The following RALGAPA2 variants were observed in gnomAD, a reference collection of about 807,000 sequenced individuals.
The protein encoded by RALGAPA2 is Ral GTPase activating protein catalytic subunit alpha 2.
In RALGAPA2, 139 loss-of-function variants were observed where a neutral mutation model predicts 230.4. The ratio of observed to expected loss-of-function variants is 0.60; its 90% confidence interval spans 0.53 to 0.69. The LOEUF is 0.69. RALGAPA2 is among the 30% of genes least tolerant of loss of function. The pLI, the probability that RALGAPA2 is intolerant of heterozygous loss-of-function variation, is 0.00. For synonymous variants in RALGAPA2, 847 were observed against 837.8 expected (o/e 1.01, Z -0.19); for missense variants, 2,163 against 2,276.0 (o/e 0.95, Z 1.01).
chr20:20,692,246 T>C (rs982375044), intron 1 of RALGAPA2, among the ~76,000 whole-genome samples: 1 of 152,252 alleles, frequency 6.6e-6, no homozygotes, highest in African/African-American at 2.4e-5. Flanking sequence ...GTTTCTTACA[T>C]ACAATTACAG....
chr20:20,519,401 T>C (rs970163724), intron 31 of RALGAPA2, among the ~76,000 whole-genome samples: 5 of 152,176 alleles, frequency 3.3e-5, no homozygotes, highest in African/African-American at 1.2e-4. Context: ...CCCTGGACCT[T>C]TGTCCTCCCT....
intron 37 of RALGAPA2, among the ~76,000 whole-genome samples, chr20:20,455,008 C>T (rs1375642213): frequency 6.6e-6 from 1 of 152,210 alleles, no homozygotes; most frequent in Non-Finnish European, 1.5e-5. Flanking sequence ...CTGTAATTCA[C>T]ACATGCATAC....
chr20:20,693,543 G>A (rs1280643753), intron 1 of RALGAPA2, among the ~76,000 whole-genome samples: 2 of 152,124 alleles, frequency 1.3e-5, no homozygotes, highest in East Asian at 3.8e-4. Context: ...TACAGCCTAG[G>A]AGCTGTAGTC....
chr20:20,541,057 AT>A (rs56090872), intron 24 of RALGAPA2, among the ~76,000 whole-genome samples: 60 of 140,782 alleles, frequency 4.3e-4, no homozygotes, highest in South Asian at 4.5e-4. Flanking sequence ...AGTCAGGAGA[AT>A]TTTTTTTTTT....
rs780781518 is a variant in RALGAPA2, at chr20:20,583,257, T to C, written c.2531-31A>G. 5 of 1,559,680 alleles carry C rather than the reference T, an allele frequency of 3.2e-6. No homozygotes were observed. The East Asian group carries it at 9.1e-5, about 28-fold the overall frequency. ...ACAATGGAAGAACCAAAGTTTAAGA[T>C]AAAAAATAGCTGAAAATCAGAATGT... On this transcript the variant is annotated intron_variant, in intron 19 of 39. Transcript: ENST00000202677.
chr20:20,527,250 A>T (rs2063232493), intron 27 of RALGAPA2, among the ~76,000 whole-genome samples: 1 of 152,180 alleles, frequency 6.6e-6, no homozygotes, highest in South Asian at 2.1e-4. Flanking sequence ...TGTACAGAAT[A>T]AGGAAGAAGA....
At chr20:20,688,284 C>G (rs1301055086) in intron 1 of RALGAPA2, among the ~76,000 whole-genome samples, 1 of 150,784 alleles carries the variant, frequency 6.6e-6, no homozygotes, top group Non-Finnish European at 1.5e-5. Flanking sequence ...CCAGCCTGGG[C>G]AACAAGAGCA....
intron 20 of RALGAPA2, 33 bp from the exon 21 acceptor site, chr20:20,573,101 A>C: frequency 1.3e-6 from 2 of 1,516,440 alleles, no homozygotes; most frequent in Non-Finnish European, 1.8e-6. Context: ...TAACCCTGTA[A>C]ACAATCTTGA....
intron 10 of RALGAPA2, among the ~76,000 whole-genome samples, chr20:20,625,081 A>G (rs754184677): frequency 2.2e-4 from 34 of 151,686 alleles, no homozygotes; most frequent in Non-Finnish European, 4.4e-4. Flanking sequence ...CTGTCTGCCT[A>G]TTGGTCTATA....
intron 19 of RALGAPA2, among the ~76,000 whole-genome samples, chr20:20,584,085 G>A (rs957097774): frequency 5.3e-5 from 8 of 152,310 alleles, no homozygotes; most frequent in Admixed American, 6.5e-5. Flanking sequence ...GGTGAAGGTA[G>A]AACTCCTCTG....
Position 20,520,901 on chromosome 20 carries a change from C to A in RALGAPA2, c.4084+16G>T. ...TTTTCCTTCCCACAAGATTTCATAC[C>A]TGAAAGAATACTCACCCTCTTCAAC... is the stretch of plus-strand genomic sequence containing the variant. On this transcript the variant is annotated intron_variant, in intron 31 of 39. Coordinates refer to ENST00000202677, the MANE Select transcript of RALGAPA2 (RefSeq NM_020343.4). 1 of 1,546,660 alleles carries A rather than the reference C, an allele frequency of 6.5e-7. No homozygotes were observed. The highest frequency in any genetic ancestry group is 8.8e-7 in the Non-Finnish European group (1 of 1,133,896).
At chr20:20,442,842 G>A (rs1207408166) in intron 37 of RALGAPA2, among the ~76,000 whole-genome samples, 2 of 152,236 alleles carry the variant, frequency 1.3e-5, no homozygotes, top group African/African-American at 4.8e-5. Context: ...AAAATTGTGT[G>A]ATGCCCACTT....
intron 13 of RALGAPA2, among the ~76,000 whole-genome samples, chr20:20,614,641 T>C (rs2066077966): frequency 3.3e-5 from 5 of 152,246 alleles, no homozygotes; most frequent in Admixed American, 3.3e-4. Flanking sequence ...AGTATCATTT[T>C]GATGCCTGTG....
intron 31 of RALGAPA2, among the ~76,000 whole-genome samples, chr20:20,518,678 T>C (rs376395430): frequency 5.6e-4 from 85 of 152,262 alleles, no homozygotes; most frequent in African/African-American, 2.0e-3. Context: ...GAAAGAAAAA[T>C]GGTGCCAGAA....
intron 14 of RALGAPA2, among the ~76,000 whole-genome samples, chr20:20,610,458 C>A (rs934610801): frequency 2.0e-5 from 3 of 152,210 alleles, no homozygotes; most frequent in Admixed American, 6.5e-5. Context: ...ACAGGCATCT[C>A]TTTGGCTCTC....
chr20:20,678,624 T>C (rs1364024617), intron 2 of RALGAPA2, among the ~76,000 whole-genome samples: 4 of 152,052 alleles, frequency 2.6e-5, no homozygotes, highest in African/African-American at 9.7e-5. Context: ...CCTGCACCAT[T>C]AGTTATCTCC....
At chr20:20,524,364 T>C (rs767514928) in intron 30 of RALGAPA2, 42 bp downstream of exon 30, 2 of 1,611,188 alleles carry the variant, frequency 1.2e-6, no homozygotes, top group Non-Finnish European at 8.5e-7. Context: ...CTCTGTCATA[T>C]AAACCCACAC....
intron 24 of RALGAPA2, among the ~76,000 whole-genome samples, chr20:20,539,806 C>A (rs1364151751): frequency 6.6e-6 from 1 of 152,208 alleles, no homozygotes; most frequent in Non-Finnish European, 1.5e-5. Flanking sequence ...CACCATTCTA[C>A]AATCTGCTTC....
chr20:20,619,069 A>AC (rs2066243347), intron 12 of RALGAPA2, among the ~76,000 whole-genome samples: 1 of 152,212 alleles, frequency 6.6e-6, no homozygotes, highest in African/African-American at 2.4e-5. Context: ...TTTGACTAGA[A>AC]AAAAATTTTT....
Sources: gnomAD v4.1 joint callset for allele counts (sites outside exome capture counted in the v4.1 genomes callset) on GRCh38, gnomAD v4.1.1 for gene constraint, MANE v1.5 for transcripts, NCBI Gene and HGNC (gene_info 2026-07-23, HGNC 2026-07-21) for gene names.